Variants in IQGAP1 observed in about 807,000 individuals in gnomAD.
IQGAP1 encodes the protein IQ motif containing GTPase activating protein 1, also known as ras GTPase-activating-like protein IQGAP1.
In IQGAP1, 66 loss-of-function variants were observed where a neutral mutation model predicts 215.6. That is an observed-to-expected ratio of 0.31 (90% confidence interval 0.25 to 0.38). The LOEUF (loss-of-function observed/expected upper bound fraction) is 0.38. Among genes scored for constraint, IQGAP1 ranks in the 10% least tolerant of loss-of-function variants. The probability of loss-of-function intolerance (pLI) is 1.00; values close to 1 mark genes in which losing one functional copy is unlikely to be tolerated. For missense variants in IQGAP1, 1,712 were observed against 1,997.1 expected, an observed-to-expected ratio of 0.86 and a Z score of 2.72; for synonymous variants, 772 against 728.7, an observed-to-expected ratio of 1.06 and a Z score of -0.96.
intron 2 of IQGAP1, among the ~76,000 whole-genome samples, chr15:90,401,227 G>A (rs1341496443): frequency 6.6e-6 from 1 of 151,944 alleles, no homozygotes; most frequent in Non-Finnish European, 1.5e-5. Flanking sequence ...TTGACAGTGC[G>A]TGAATTAAAA....
chr15:90,447,425 T>C (rs1965541514), intron 9 of IQGAP1, among the ~76,000 whole-genome samples: 1 of 152,126 alleles, frequency 6.6e-6, no homozygotes, highest in Non-Finnish European at 1.5e-5. Context: ...GCTGTTTTGA[T>C]TTTCTTTATA....
intron 30 of IQGAP1, 74 bp from the exon 31 acceptor site, chr15:90,485,956 A>G: frequency 2.7e-6 from 3 of 1,105,638 alleles, no homozygotes; most frequent in Non-Finnish European, 4.1e-6. Context: ...TGTGCAGATC[A>G]TTGTTAGACA....
At chr15:90,485,083 T>A (rs557375829) in intron 30 of IQGAP1, among the ~76,000 whole-genome samples, 14 of 152,222 alleles carry the variant, frequency 9.2e-5, no homozygotes, top group Non-Finnish European at 1.2e-4. Flanking sequence ...GATTTTTCCC[T>A]TGGAAGCTGG....
intron 18 of IQGAP1, among the ~76,000 whole-genome samples, chr15:90,469,446 G>C (rs1294952395): frequency 6.6e-6 from 1 of 152,162 alleles, no homozygotes; most frequent in Non-Finnish European, 1.5e-5. Context: ...TATATGGTGG[G>C]TTACAGTCTC....
intron 2 of IQGAP1, among the ~76,000 whole-genome samples, chr15:90,397,618 A>G (rs3743413): frequency 0.17 from 24,464 of 143,766 alleles, 2,608 homozygotes; most frequent in East Asian, 0.46. Flanking sequence ...CCAGGTTCTC[A>G]CCATTCTCCT....
At chr15:90,487,732 G>T in intron 33 of IQGAP1, 150 bp downstream of exon 33, 1 of 619,764 alleles carries the variant, frequency 1.6e-6, no homozygotes. Context: ...GTTATGGCTC[G>T]TCTGAGAAAG....
intron 3 of IQGAP1, among the ~76,000 whole-genome samples, chr15:90,427,694 A>G (rs1176313812): frequency 1.3e-5 from 2 of 151,994 alleles, no homozygotes; most frequent in African/African-American, 4.8e-5. Flanking sequence ...GAGCTGAGAT[A>G]GCACCACTGC....
chr15:90,434,543 T>C (rs1965345602), intron 5 of IQGAP1, among the ~76,000 whole-genome samples: 1 of 152,116 alleles, frequency 6.6e-6, no homozygotes, highest in African/African-American at 2.4e-5. Flanking sequence ...AATGTCATGG[T>C]AAATTTGGAA....
intron 2 of IQGAP1, among the ~76,000 whole-genome samples, chr15:90,395,539 CT>C (rs1429864193): frequency 5.9e-5 from 9 of 152,158 alleles, no homozygotes; most frequent in African/African-American, 1.7e-4. Flanking sequence ...CCAGGATAGT[CT>C]TGATCTCCTG....
chr15:90,419,299 T>A (rs1306834245), intron 2 of IQGAP1, among the ~76,000 whole-genome samples: 12 of 152,140 alleles, frequency 7.9e-5, no homozygotes, highest in Non-Finnish European at 1.5e-5. Flanking sequence ...TTGCAAAGAT[T>A]GAGATAATAA....
intron 2 of IQGAP1, among the ~76,000 whole-genome samples, chr15:90,417,273 G>A (rs1466740865): frequency 6.6e-6 from 1 of 152,196 alleles, no homozygotes; most frequent in Non-Finnish European, 1.5e-5. Flanking sequence ...CAGACATGAA[G>A]TCCTTGCCCA....
At chr15:90,432,431 C>T (rs1411035011) in intron 4 of IQGAP1, among the ~76,000 whole-genome samples, 1 of 152,164 alleles carries the variant, frequency 6.6e-6, no homozygotes, top group East Asian at 1.9e-4. Flanking sequence ...GTCCTGTCTC[C>T]AGTCAGATCT....
intron 2 of IQGAP1, chr15:90,391,906 A>C (rs1964641248): frequency 1.3e-5 from 2 of 152,204 alleles, no homozygotes; most frequent in Admixed American, 6.5e-5. Context: ...GTTTAATAAA[A>C]AGGGTGTTTG....
At chr15:90,481,112 C>G in intron 26 of IQGAP1, among the ~76,000 whole-genome samples, 1 of 152,046 alleles carries the variant, frequency 6.6e-6, no homozygotes, top group Non-Finnish European at 1.5e-5. Flanking sequence ...AGCCACGCTC[C>G]CTGCAGAGGC....
intron 4 of IQGAP1, 78 bp downstream of exon 4, chr15:90,429,744 A>G (rs2151015234): frequency 3.7e-6 from 3 of 811,624 alleles, no homozygotes; most frequent in Middle Eastern, 2.4e-4. Flanking sequence ...TTCTCATTCT[A>G]CCTGTAAAAT....
At chr15:90,448,361 ATC>A (rs1234102177) in intron 9 of IQGAP1, among the ~76,000 whole-genome samples, 1 of 152,112 alleles carries the variant, frequency 6.6e-6, no homozygotes, top group Non-Finnish European at 1.5e-5. Context: ...TCTGTATGAA[ATC>A]TGATGAATAG....
chr15:90,443,726 C>T (rs191096528), intron 9 of IQGAP1, among the ~76,000 whole-genome samples: 2 of 152,312 alleles, frequency 1.3e-5, no homozygotes, highest in African/African-American at 4.8e-5. Context: ...CAGTTTCACT[C>T]TTTCACCCTA....
At chr15:90,440,038 GTTA>G (rs941184178) in intron 6 of IQGAP1, among the ~76,000 whole-genome samples, 1 of 152,210 alleles carries the variant, frequency 6.6e-6, no homozygotes, top group African/African-American at 2.4e-5. Flanking sequence ...TTCCAGGGAA[GTTA>G]TTCACCAGAC....
At chr15:90,498,834 A>T (rs11634314) in intron 37 of IQGAP1, among the ~76,000 whole-genome samples, 2 of 140,012 alleles carry the variant, frequency 1.4e-5, no homozygotes, top group Admixed American at 7.1e-5. Context: ...TTTTTGAGAC[A>T]GTTTCGCTCT....
Sources: gnomAD v4.1 joint callset for allele counts (sites outside exome capture counted in the v4.1 genomes callset) on GRCh38, gnomAD v4.1.1 for gene constraint, MANE v1.5 for transcripts, NCBI Gene and HGNC (gene_info 2026-07-23, HGNC 2026-07-21) for gene names.